Variants in BCL2L1 observed in about 807,000 individuals in gnomAD.
The protein encoded by BCL2L1 is bcl-2-like protein 1.
A neutral mutation model predicts 18.7 loss-of-function variants in BCL2L1; 1 was observed. The observed-to-expected ratio is 0.05, with a 90% CI of 0.02 to 0.25. The LOEUF (loss-of-function observed/expected upper bound fraction) is 0.25. BCL2L1 is among the 10% of genes least tolerant of loss of function. The pLI, the probability that BCL2L1 is intolerant of heterozygous loss-of-function variation, is 1.00. For synonymous variants in BCL2L1, 103 were observed against 122.7 expected (o/e 0.84, Z 1.06); for missense variants, 207 against 304.9 (o/e 0.68, Z 2.39).
upstream of BCL2L1, chr20:31,723,502 C>T (rs1475878397): frequency 5.1e-6 from 5 of 985,282 alleles, no homozygotes; most frequent in African/African-American, 3.5e-5. Flanking sequence ...CCGGCTGCGG[C>T]CTAGCGGCTT....
chr20:31,671,052 G>C (rs1417289224), intron 2 of BCL2L1, among the ~76,000 whole-genome samples: 1 of 152,078 alleles, frequency 6.6e-6, no homozygotes. Context: ...AGGAGACCCA[G>C]GCCCAAGGGC....
chr20:31,709,793 C>T (rs550783495), intron 2 of BCL2L1, among the ~76,000 whole-genome samples: 5 of 147,278 alleles, frequency 3.4e-5, no homozygotes, highest in African/African-American at 1.3e-4. Flanking sequence ...CGAGATCGTG[C>T]CACTGCACTC....
Position 31,666,095 on chromosome 20 carries a change from A to G in BCL2L1, c.565-9T>C. The stretch of plus-strand genomic sequence containing the variant: ...AGTTCCACAAAAGTATCCTGCAGGG[A>G]GAGAGAAGGAAGGTGCAGTTTTAGT... On this transcript the variant is annotated splice_polypyrimidine_tract_variant and intron_variant, in intron 2 of 2. Transcript: ENST00000307677. 1 of 1,613,740 alleles carries G rather than the reference A, an allele frequency of 6.2e-7. No homozygotes were observed. Among genetic ancestry groups the G allele is most frequent in the Non-Finnish European group, 8.5e-7 (1 of 1,179,838 alleles).
intron 2 of BCL2L1, among the ~76,000 whole-genome samples, chr20:31,690,914 C>T (rs2061056331): frequency 6.6e-6 from 1 of 151,926 alleles, no homozygotes; most frequent in African/African-American, 2.4e-5. Flanking sequence ...TTTGGGAGGC[C>T]GAGGTGGGTG....
chr20:31,704,749 C>G (rs527728446), intron 2 of BCL2L1, among the ~76,000 whole-genome samples: 3 of 152,182 alleles, frequency 2.0e-5, no homozygotes, highest in South Asian at 4.1e-4. Flanking sequence ...ATGCACCCCC[C>G]CAACGCACAC....
intron 2 of BCL2L1, among the ~76,000 whole-genome samples, chr20:31,687,543 G>T (rs1214080361): frequency 6.6e-6 from 1 of 151,890 alleles, no homozygotes; most frequent in African/African-American, 2.4e-5. Flanking sequence ...CGGGTGTGGT[G>T]GCACGCGCCT....
chr20:31,700,351 C>T (rs1191542106), intron 2 of BCL2L1, among the ~76,000 whole-genome samples: 1 of 152,304 alleles, frequency 6.6e-6, no homozygotes, highest in East Asian at 1.9e-4. Flanking sequence ...GCCATTGCCA[C>T]CTGGGAATCA....
rs906594378 is a variant in BCL2L1 at position 31,673,068 on chromosome 20, CT to C, written c.565-6983del. Among the ~76,000 whole-genome samples the C allele has an allele frequency of 1.1e-3, 130 of 118,236 alleles. 1 individual carries two copies. Among genetic ancestry groups the C allele is most frequent in the East Asian group, 2.4e-3 (10 of 4,180 alleles). 77.6% of individuals were successfully genotyped at this position (118,236 alleles called of 152,430 possible). A position where few individuals can be genotyped will look rare whatever the true frequency, so the allele number is the denominator to read the frequency against. On this transcript the variant is annotated intron_variant, in intron 2 of 2. Transcript: ENST00000307677. ...ACCTCTCTGGTCCATGGTGTCCTTG[CT>C]TTTTTTTTTTTTTTTTTTTTGAGAT...
At chr20:31,713,661 C>A in intron 2 of BCL2L1, 2 of 871,264 alleles carry the variant, frequency 2.3e-6, no homozygotes, top group South Asian at 5.3e-5. Context: ...TTATACAAAA[C>A]CACAATTTCA....
At chr20:31,696,948 C>T (rs555421684) in intron 2 of BCL2L1, among the ~76,000 whole-genome samples, 7 of 149,776 alleles carry the variant, frequency 4.7e-5, no homozygotes, top group African/African-American at 1.2e-4. Flanking sequence ...CCCAGCTACT[C>T]GGGAGGCTGA....
chr20:31,691,208 T>C (rs2061067289), intron 2 of BCL2L1, among the ~76,000 whole-genome samples: 1 of 99,270 alleles, frequency 1.0e-5, no homozygotes, highest in Non-Finnish European at 2.1e-5. Flanking sequence ...ATACAGTATA[T>C]ACAATAAGCT....
At chr20:31,713,235 G>C in intron 2 of BCL2L1, 1 of 974,400 alleles carries the variant, frequency 1.0e-6, no homozygotes, top group Non-Finnish European at 1.2e-6. Context: ...GCCTAGGGTA[G>C]GGGGTAATGG....
intron 2 of BCL2L1, among the ~76,000 whole-genome samples, chr20:31,700,228 G>A (rs1176406869): frequency 1.3e-5 from 2 of 152,148 alleles, no homozygotes; most frequent in Admixed American, 6.6e-5. Context: ...AACATTTGCC[G>A]AATCGCCAAA....
At chr20:31,704,221 A>G (rs1304782492) in intron 2 of BCL2L1, among the ~76,000 whole-genome samples, 1 of 150,026 alleles carries the variant, frequency 6.7e-6, no homozygotes, top group Non-Finnish European at 1.5e-5. Flanking sequence ...CTTCTGCCTC[A>G]GCCTCCTGAG....
chr20:31,677,957 CTCTT>C (rs1280252379), intron 2 of BCL2L1, among the ~76,000 whole-genome samples: 1 of 152,222 alleles, frequency 6.6e-6, no homozygotes, highest in Non-Finnish European at 1.5e-5. Flanking sequence ...AGTTCCCACT[CTCTT>C]CATCCCTTTC....
intron 2 of BCL2L1, among the ~76,000 whole-genome samples, chr20:31,718,108 C>T (rs1017628118): frequency 6.6e-6 from 1 of 152,146 alleles, no homozygotes; most frequent in African/African-American, 2.4e-5. Flanking sequence ...ATCCTTTACT[C>T]GAGTCAAGCT....
intron 2 of BCL2L1, among the ~76,000 whole-genome samples, chr20:31,709,218 T>C (rs182908601): frequency 1.4e-4 from 22 of 152,304 alleles, no homozygotes; most frequent in African/African-American, 5.3e-4. Context: ...AGACCATCTT[T>C]GGCTCTAGCC....
chr20:31,692,944 C>T (rs2061102188), intron 2 of BCL2L1, among the ~76,000 whole-genome samples: 3 of 150,320 alleles, frequency 2.0e-5, no homozygotes, highest in East Asian at 2.0e-4. Context: ...TGGTGGCGTG[C>T]GCCTGTAGTC....
chr20:31,679,353 C>T (rs1009449227), intron 2 of BCL2L1, among the ~76,000 whole-genome samples: 1 of 152,062 alleles, frequency 6.6e-6, no homozygotes, highest in African/African-American at 2.4e-5. Context: ...ATGTGTGGTT[C>T]GATCCTGAGC....
Sources: gnomAD v4.1 joint callset for allele counts (sites outside exome capture counted in the v4.1 genomes callset) on GRCh38, gnomAD v4.1.1 for gene constraint, MANE v1.5 for transcripts, NCBI Gene and HGNC (gene_info 2026-07-23, HGNC 2026-07-21) for gene names.